HCN1: variants seen among roughly 807,000 people sequenced by gnomAD.
The protein encoded by HCN1 is hyperpolarization activated cyclic nucleotide gated potassium channel 1.
A neutral mutation model predicts 78.9 loss-of-function variants in HCN1; 13 were observed. The observed-to-expected ratio is 0.16, with a 90% CI of 0.11 to 0.26. The LOEUF (loss-of-function observed/expected upper bound fraction) is 0.26, where lower values mean the gene tolerates loss of function less well. HCN1 is among the 10% of genes least tolerant of loss of function. The pLI, the probability that HCN1 is intolerant of heterozygous loss-of-function variation, is 1.00. For synonymous variants in HCN1, 552 were observed against 455.5 expected, an observed-to-expected ratio of 1.21 and a Z score of -2.70; for missense variants, 810 against 1,154.3, an observed-to-expected ratio of 0.70 and a Z score of 4.32.
At chr5:45,585,051 G>C (rs935520537) in intron 2 of HCN1, among the ~76,000 whole-genome samples, 1 of 152,116 alleles carries the variant, frequency 6.6e-6, no homozygotes, top group Non-Finnish European at 1.5e-5. Flanking sequence ...CATTCTCTGT[G>C]TTTCCTGAAT....
chr5:45,553,082 T>G (rs1041755959), intron 2 of HCN1, among the ~76,000 whole-genome samples: 1 of 151,864 alleles, frequency 6.6e-6, no homozygotes, highest in Non-Finnish European at 1.5e-5. Flanking sequence ...CTTATTTACC[T>G]AAAGAAGTCA....
At chr5:45,511,649 T>C (rs987591199) in intron 2 of HCN1, among the ~76,000 whole-genome samples, 7 of 152,008 alleles carry the variant, frequency 4.6e-5, no homozygotes, top group African/African-American at 1.7e-4. Flanking sequence ...CTTCAAACTG[T>C]CAAGGTCATA....
At chr5:45,625,075 G>A (rs1745136606) in intron 2 of HCN1, among the ~76,000 whole-genome samples, 1 of 152,116 alleles carries the variant, frequency 6.6e-6, no homozygotes, top group African/African-American at 2.4e-5. Flanking sequence ...ATCTGGCTGG[G>A]CGTAGTGGCT....
intron 1 of HCN1, among the ~76,000 whole-genome samples, chr5:45,649,479 G>T (rs528791853): frequency 2.6e-5 from 4 of 152,094 alleles, no homozygotes; most frequent in African/African-American, 9.6e-5. Context: ...ACATTCTATG[G>T]TTTGGGCAAA....
intron 2 of HCN1, among the ~76,000 whole-genome samples, chr5:45,546,929 T>C (rs191202619): frequency 6.6e-6 from 1 of 152,014 alleles, no homozygotes; most frequent in East Asian, 1.9e-4. Context: ...GATTTTCAAA[T>C]GTATGTTTTC....
intron 3 of HCN1, among the ~76,000 whole-genome samples, chr5:45,447,892 A>G (rs1740833262): frequency 6.6e-6 from 1 of 151,608 alleles, no homozygotes; most frequent in South Asian, 2.1e-4. Flanking sequence ...ATATATATAT[A>G]TATATGAGAC....
chr5:45,311,699 G>A (rs780912914), intron 5 of HCN1, among the ~76,000 whole-genome samples: 1 of 152,198 alleles, frequency 6.6e-6, no homozygotes, highest in Non-Finnish European at 1.5e-5. Flanking sequence ...TGCCAAGAAT[G>A]TGATTTCAGT....
intron 1 of HCN1, among the ~76,000 whole-genome samples, chr5:45,654,893 C>T (rs1040239704): frequency 6.6e-6 from 1 of 152,042 alleles, no homozygotes; most frequent in Non-Finnish European, 1.5e-5. Flanking sequence ...GTAATCCTCC[C>T]ACCACATTGC....
chr5:45,394,505 A>G (rs1739647589), intron 4 of HCN1, among the ~76,000 whole-genome samples: 1 of 152,234 alleles, frequency 6.6e-6, no homozygotes, highest in South Asian at 2.1e-4. Flanking sequence ...TGAAATTTAA[A>G]CATATACTTT....
intron 3 of HCN1, among the ~76,000 whole-genome samples, chr5:45,397,905 T>A (rs1739716661): frequency 6.6e-6 from 1 of 151,722 alleles, no homozygotes; most frequent in Non-Finnish European, 1.5e-5. Context: ...TTATTTTCAA[T>A]GATTTAGTTG....
intron 2 of HCN1, among the ~76,000 whole-genome samples, chr5:45,626,539 G>C (rs1286374513): frequency 6.6e-6 from 1 of 152,052 alleles, no homozygotes; most frequent in East Asian, 1.9e-4. Flanking sequence ...ATGATGTGAA[G>C]GTAAATGTAA....
At chr5:45,330,805 T>A (rs917594678) in intron 5 of HCN1, among the ~76,000 whole-genome samples, 44 of 151,150 alleles carry the variant, frequency 2.9e-4, no homozygotes, top group Non-Finnish European at 4.9e-4. Context: ...TTTAAAAAAA[T>A]TTTCAAATAT....
At position 45,434,955 on chromosome 5, in the gene HCN1, A is replaced by AT. The variant is rs1296955871; in HGVS notation, c.1011+26890dup. ...AATATTGTAGTCATAGATCATCTTTATTTTTTTTAAAAAATGTCACTTGCT... is the reference window on the plus strand; with the variant it reads ...AATATTGTAGTCATAGATCATCTTTATTTTTTTTTAAAAAATGTCACTTGCT... On this transcript the variant is annotated intron_variant, in intron 3 of 7. Coordinates refer to ENST00000303230, the MANE Select transcript of HCN1 (RefSeq NM_021072.4). Among the ~76,000 whole-genome samples, 4 of 151,930 alleles carry AT rather than the reference A, an allele frequency of 2.6e-5. No homozygotes were observed. The South Asian group carries it at 6.2e-4, about 24-fold the overall frequency.
intron 5 of HCN1, among the ~76,000 whole-genome samples, chr5:45,338,722 A>G (rs1303824516): frequency 1.3e-5 from 2 of 152,134 alleles, no homozygotes; most frequent in Admixed American, 6.5e-5. Context: ...TGCTTTTTAG[A>G]CATTTTTTGT....
chr5:45,672,127 T>G (rs893936436), intron 1 of HCN1, among the ~76,000 whole-genome samples: 2 of 151,562 alleles, frequency 1.3e-5, no homozygotes, highest in Non-Finnish European at 3.0e-5. Flanking sequence ...GATTTGACTA[T>G]TGCAATGCAC....
At chr5:45,483,894 T>C (rs1741706843) in intron 2 of HCN1, among the ~76,000 whole-genome samples, 1 of 152,194 alleles carries the variant, frequency 6.6e-6, no homozygotes, top group African/African-American at 2.4e-5. Context: ...TCATTGCTTA[T>C]TTTTGTTGGC....
At chr5:45,614,981 A>C (rs1034063684) in intron 2 of HCN1, among the ~76,000 whole-genome samples, 11 of 151,988 alleles carry the variant, frequency 7.2e-5, no homozygotes, top group Non-Finnish European at 1.5e-4. Context: ...GAAAAAAAAA[A>C]AAACGTAATT....
At position 45,258,872 on chromosome 5, in the gene HCN1, G is replaced by A. The variant is rs1744674645; in HGVS notation, c.*3049C>T. 1 of 151,696 alleles carries A rather than the reference G, an allele frequency of 6.6e-6. No individual in the cohort carries two copies. Among genetic ancestry groups the A allele is most frequent in the Admixed American group, 6.6e-5 (1 of 15,208 alleles). The allele number at this position is 151,696 out of a possible 1,614,324, so 9.4% of individuals were successfully genotyped here. A position where few individuals can be genotyped will look rare whatever the true frequency, so the allele number is the denominator to read the frequency against. On this transcript the variant is annotated 3_prime_UTR_variant, in exon 8 of 8. Coordinates refer to ENST00000303230, the MANE Select transcript of HCN1 (RefSeq NM_021072.4). ...TCATAGAACTATTATAACAAAATAG[G>A]TTTGTATAAATATATTACAGGACAA...
At chr5:45,529,746 TCAA>T (rs1742802275) in intron 2 of HCN1, among the ~76,000 whole-genome samples, 1 of 152,274 alleles carries the variant, frequency 6.6e-6, no homozygotes, top group East Asian at 1.9e-4. Flanking sequence ...CCCACAGCTG[TCAA>T]TCACTTTTGA....
Sources: gnomAD v4.1 joint callset for allele counts (sites outside exome capture counted in the v4.1 genomes callset) on GRCh38, gnomAD v4.1.1 for gene constraint, MANE v1.5 for transcripts, NCBI Gene and HGNC (gene_info 2026-07-23, HGNC 2026-07-21) for gene names.